Variants in PTPN3 observed in about 807,000 individuals in gnomAD.
The protein encoded by PTPN3 is protein tyrosine phosphatase non-receptor type 3.
PTPN3 carries 96 observed loss-of-function variants against 132.7 expected under a neutral mutation model. That is an observed-to-expected ratio of 0.72 (90% CI 0.61 to 0.86). The LOEUF is 0.86. PTPN3 is among the 40% of genes least tolerant of loss of function. PTPN3 has a pLI of 0.00. For missense variants in PTPN3, 1,125 were observed against 1,159.6 expected (o/e 0.97, Z 0.43); for synonymous variants, 398 against 429.0 (o/e 0.93, Z 0.89).
Position 109,410,085 on chromosome 9 carries a change from C to G in PTPN3, c.1501-9G>C, listed in dbSNP as rs373986981. 2 of 1,614,004 alleles carry G rather than the reference C, an allele frequency of 1.2e-6. No individual in the cohort carries two copies. The highest frequency in any genetic ancestry group is 2.2e-5 in the East Asian group (1 of 44,886). ...CTGTCACCATTATCATTCTGGAAAA[C>G]GGTTTGAAAGTGGTCATTTGCATCA... On this transcript the variant is annotated splice_polypyrimidine_tract_variant and intron_variant, in intron 15 of 25. Coordinates refer to ENST00000374541, the MANE Select transcript of PTPN3 (RefSeq NM_002829.4).
chr9:109,450,935 T>G, intron 5 of PTPN3: 1 of 984,890 alleles, frequency 1.0e-6, no homozygotes, highest in South Asian at 4.7e-5. Context: ...AGCTAAAATT[T>G]CCTTCAGAGG....
chr9:109,449,521 C>T (rs1159599423), intron 5 of PTPN3: 6 of 985,388 alleles, frequency 6.1e-6, no homozygotes, highest in African/African-American at 3.5e-5. Flanking sequence ...GTGGGCAAGT[C>T]GTGGCAGGCC....
At chr9:109,490,138 G>A (rs1564487340) in intron 1 of PTPN3, among the ~76,000 whole-genome samples, 1 of 151,992 alleles carries the variant, frequency 6.6e-6, no homozygotes, top group Admixed American at 6.5e-5. Context: ...AGCCGAGATC[G>A]CGCCACTGCA....
intron 14 of PTPN3, among the ~76,000 whole-genome samples, chr9:109,415,672 T>C (rs1842434353): frequency 1.3e-5 from 2 of 152,102 alleles, no homozygotes; most frequent in South Asian, 4.2e-4. Flanking sequence ...GCAGTGGGGA[T>C]GGTGGAGGAG....
the PTPN3 span, chr9:109,534,308 G>A: frequency 1.3e-6 from 2 of 1,526,334 alleles, no homozygotes; most frequent in Non-Finnish European, 1.8e-6. Context: ...GCGGGCGGCT[G>A]CTGGGTCTCG....
intron 1 of PTPN3, among the ~76,000 whole-genome samples, chr9:109,480,829 C>G (rs1173572827): frequency 6.6e-6 from 1 of 152,202 alleles, no homozygotes; most frequent in Admixed American, 6.5e-5. Context: ...AATCTCACCA[C>G]TGCCGCACAG....
At chr9:109,423,864 G>A (rs1159666565) in intron 12 of PTPN3, among the ~76,000 whole-genome samples, 1 of 152,130 alleles carries the variant, frequency 6.6e-6, no homozygotes, top group African/African-American at 2.4e-5. Context: ...CTTGTGACAT[G>A]ACATCAACCA....
intron 7 of PTPN3, 81 bp from the exon 8 acceptor site, chr9:109,438,315 C>G: frequency 3.5e-6 from 5 of 1,422,056 alleles, no homozygotes; most frequent in Non-Finnish European, 4.8e-6. Context: ...TCTACAGCAT[C>G]ATCAGAATAA....
At chr9:109,502,548 C>T (rs141745328), upstream of PTPN3, among the ~76,000 whole-genome samples, 159 of 152,268 alleles carry the variant, frequency 1.0e-3, no homozygotes, top group Middle Eastern at 3.4e-3. Context: ...GTAATCCCTG[C>T]ACTGTGCGAG....
chr9:109,389,916 T>C (rs559265812), intron 21 of PTPN3, among the ~76,000 whole-genome samples: 12 of 152,212 alleles, frequency 7.9e-5, no homozygotes, highest in Non-Finnish European at 1.8e-4. Flanking sequence ...ATGTTTCAGG[T>C]AGAAATATTC....
chr9:109,499,854 C>A (rs1847834718), upstream of PTPN3, among the ~76,000 whole-genome samples: 1 of 152,246 alleles, frequency 6.6e-6, no homozygotes, highest in East Asian at 1.9e-4. Context: ...CCGCGCCCCG[C>A]CCGGCCCGGC....
intron 1 of PTPN3, among the ~76,000 whole-genome samples, chr9:109,473,985 CAG>C (rs1846512310): frequency 6.6e-6 from 1 of 151,706 alleles, no homozygotes; most frequent in Non-Finnish European, 1.5e-5. Flanking sequence ...CCAAATTCCA[CAG>C]GTCTCAACTT....
chr9:109,418,070 T>C lies in PTPN3; in HGVS notation c.1313+2354A>G, dbSNP rs145760920. ...CTGTATTGGACTATGAAGGTCTAGA[T>C]GCTCTGTGATGGGACTGCAGACCAC... On this transcript the variant is annotated intron_variant, in intron 14 of 25. Coordinates refer to ENST00000374541, the MANE Select transcript of PTPN3 (RefSeq NM_002829.4). Among the ~76,000 whole-genome samples, 451 of 152,308 alleles carry C rather than the reference T, an allele frequency of 3.0e-3. 2 individuals carry two copies. Among genetic ancestry groups the C allele is most frequent in the Non-Finnish European group, 5.3e-3 (360 of 68,028 alleles).
intron 14 of PTPN3, among the ~76,000 whole-genome samples, chr9:109,412,123 A>G (rs907166522): frequency 4.6e-5 from 7 of 152,088 alleles, no homozygotes; most frequent in African/African-American, 9.7e-5. Flanking sequence ...AACAAGTTAA[A>G]ATGGTATTTC....
At chr9:109,504,894 G>A in the PTPN3 span, among the ~76,000 whole-genome samples, 2 of 152,190 alleles carry the variant, frequency 1.3e-5, no homozygotes, top group Non-Finnish European at 2.9e-5. Flanking sequence ...CCCTGAAAGG[G>A]GTGGTGTCAT....
At chr9:109,446,252 A>C (rs1844849029) in intron 6 of PTPN3, among the ~76,000 whole-genome samples, 1 of 152,162 alleles carries the variant, frequency 6.6e-6, no homozygotes, top group Non-Finnish European at 1.5e-5. Flanking sequence ...CCAGCACCCC[A>C]GTGGGAAGTG....
chr9:109,489,903 C>T (rs958106172), intron 1 of PTPN3, among the ~76,000 whole-genome samples: 7 of 152,026 alleles, frequency 4.6e-5, no homozygotes, highest in South Asian at 4.1e-4. Flanking sequence ...ACATCCAGGC[C>T]GGGTGGGGTG....
At chr9:109,406,680 G>A (rs769974244) in intron 17 of PTPN3, 62 bp from the exon 18 acceptor site, 96 of 1,584,980 alleles carry the variant, frequency 6.1e-5, no homozygotes, top group Non-Finnish European at 8.1e-5. Flanking sequence ...GGGGAAGAAC[G>A]CTGACTCGCT....
At chr9:109,450,519 CAT>C in intron 5 of PTPN3, 1 of 985,154 alleles carries the variant, frequency 1.0e-6, no homozygotes. Context: ...GCTGCCTTGT[CAT>C]ATATTGAGCA....
Sources: allele counts gnomAD v4.1 joint callset (sites outside exome capture counted in the v4.1 genomes callset), GRCh38; gene constraint gnomAD v4.1.1; transcripts MANE v1.5; gene names NCBI Gene and HGNC (gene_info 2026-07-23, HGNC 2026-07-21).